The following PCNX2 variants were observed in gnomAD, a reference collection of about 807,000 sequenced individuals.
PCNX2 encodes pecanex-like protein 2.
A neutral mutation model predicts 223.8 loss-of-function variants in PCNX2; 168 were observed. The observed-to-expected ratio is 0.75, with a 90% CI of 0.66 to 0.85. PCNX2 has a LOEUF of 0.85. PCNX2 is among the 40% of genes least tolerant of loss of function. PCNX2 has a pLI of 0.00. For missense variants in PCNX2, 2,507 were observed against 2,675.5 expected, an observed-to-expected ratio of 0.94 and a Z score of 1.39; for synonymous variants, 1,006 against 1,052.6, an observed-to-expected ratio of 0.96 and a Z score of 0.86.
chr1:233,167,981 C>T (rs1401467656), intron 17 of PCNX2: 8 of 285,910 alleles, frequency 2.8e-5, no homozygotes, highest in African/African-American at 1.4e-4. Flanking sequence ...TCTTCCTTCA[C>T]GTTTGAAGGT....
chr1:233,185,630 G>T (rs1680055044), intron 15 of PCNX2, among the ~76,000 whole-genome samples: 1 of 152,168 alleles, frequency 6.6e-6, no homozygotes. Flanking sequence ...TTCAGGGCTT[G>T]TTGAAACACA....
chr1:233,220,088 T>C (rs1346605922), intron 10 of PCNX2, among the ~76,000 whole-genome samples: 4 of 152,226 alleles, frequency 2.6e-5, no homozygotes, highest in Admixed American at 6.5e-5. Context: ...CAGTTAACGT[T>C]CCTCCATGTC....
intron 28 of PCNX2, among the ~76,000 whole-genome samples, chr1:233,004,953 G>T (rs954609745): frequency 6.6e-6 from 1 of 152,156 alleles, no homozygotes; most frequent in African/African-American, 2.4e-5. Context: ...GCTTTCTGGG[G>T]CCGTGAGCTT....
intron 9 of PCNX2, among the ~76,000 whole-genome samples, chr1:233,235,474 T>A (rs1361139667): frequency 6.6e-6 from 1 of 152,104 alleles, no homozygotes; most frequent in Non-Finnish European, 1.5e-5. Flanking sequence ...AGTTAAGTCA[T>A]CCCTACACTC....
chr1:233,036,516 G>A (rs1430155356), intron 25 of PCNX2, among the ~76,000 whole-genome samples: 1 of 151,866 alleles, frequency 6.6e-6, no homozygotes, highest in Non-Finnish European at 1.5e-5. Context: ...TGTAGTCCCA[G>A]CTATTTGGGA....
In PCNX2 at chr1:233,123,524, G is replaced by A. The variant is rs544789506; in HGVS notation, c.3837+11489C>T. On this transcript the variant is annotated intron_variant, in intron 21 of 33. Coordinates refer to ENST00000258229, the MANE Select transcript of PCNX2 (RefSeq NM_014801.4). ...TTGAACCCAGGAGGCGGATGTTGCA[G>A]TGAGCCAAGATTGTGCCATTGCACT... is the stretch of plus-strand genomic sequence containing the variant. Among the ~76,000 whole-genome samples, 10 of 152,174 alleles carry A rather than the reference G, an allele frequency of 6.6e-5. No homozygotes were observed. The South Asian group carries it at 1.9e-3, about 28-fold the overall frequency.
In PCNX2 at chr1:233,102,619, G is replaced by GTA. The variant is rs1674550049; in HGVS notation, c.3838-6758_3838-6757dup. 2.0e-5 allele frequency among the ~76,000 whole-genome samples: 3 copies of GTA among 152,226 alleles called. No homozygotes were observed. The South Asian group carries it at 6.2e-4, about 32-fold the overall frequency. On this transcript the variant is annotated intron_variant, in intron 21 of 33. Coordinates refer to ENST00000258229, the MANE Select transcript of PCNX2 (RefSeq NM_014801.4). Reference sequence around the variant, plus strand: ...TTTCACTTCTCTGATGATTAGTGATGTAGAGCACTTTTTCATATACTTGTT... The same window carrying GTA: ...TTTCACTTCTCTGATGATTAGTGATGTATAGAGCACTTTTTCATATACTTGTT...
In PCNX2 at chr1:233,126,641, C is replaced by CT. The variant is rs894810599; in HGVS notation, c.3837+8371dup. Among the ~76,000 whole-genome samples the CT allele has an allele frequency of 2.3e-4, 35 of 152,024 alleles. No individual in the cohort carries two copies. The highest frequency in any genetic ancestry group is 8.0e-4 in the African/African-American group (33 of 41,460). On this transcript the variant is annotated intron_variant, in intron 21 of 33. Transcript: ENST00000258229. The surrounding 1 kb of genome is among the most constrained non-coding windows in gnomAD (Gnocchi z 4.8). ...AGACAGAGATATGCATTAAAACAGA[C>CT]TTTTTTTGTATTTTCCATTGCTTTT...
At chr1:233,266,975 G>A (rs1572177321) in intron 1 of PCNX2, among the ~76,000 whole-genome samples, 1 of 151,746 alleles carries the variant, frequency 6.6e-6, no homozygotes, top group Admixed American at 6.6e-5. Context: ...CAGGCTCATA[G>A]CTCTAGCTGC....
At position 233,014,094 on chromosome 1, in the gene PCNX2, G is replaced by A. The variant is rs189264445; in HGVS notation, c.4952+571C>T. ...CAACATCACCCGAGTGACACAGGGT[G>A]CCAAAGAGCCAGCAGAGTTTGATTT... is the stretch of plus-strand genomic sequence containing the variant. On this transcript the variant is annotated intron_variant, in intron 28 of 33. Transcript: ENST00000258229. Among the ~76,000 whole-genome samples, 16 of 152,310 alleles carry A rather than the reference G, an allele frequency of 1.1e-4. No individual in the cohort carries two copies. In the East Asian group the frequency reaches 2.3e-3, roughly 22 times the overall value.
At chr1:233,175,260 A>G (rs1464445836) in intron 17 of PCNX2, among the ~76,000 whole-genome samples, 1 of 152,232 alleles carries the variant, frequency 6.6e-6, no homozygotes, top group African/African-American at 2.4e-5. Flanking sequence ...ATTAGGCCAG[A>G]GACTTTTCAG....
chr1:233,130,789 C>A (rs899147494), intron 21 of PCNX2, among the ~76,000 whole-genome samples: 5 of 151,950 alleles, frequency 3.3e-5, no homozygotes, highest in East Asian at 3.9e-4. Context: ...GGCACCCCCC[C>A]CTTTTTTTTT....
chr1:233,138,308 G>A (rs563290516), intron 20 of PCNX2, among the ~76,000 whole-genome samples: 1 of 152,298 alleles, frequency 6.6e-6, no homozygotes, highest in South Asian at 2.1e-4. Context: ...ATTTGACTCT[G>A]CTAGAGTCTT....
chr1:233,122,727 T>C (rs1675875440), intron 21 of PCNX2, among the ~76,000 whole-genome samples: 1 of 152,076 alleles, frequency 6.6e-6, no homozygotes, highest in South Asian at 2.1e-4. Flanking sequence ...TCCACCATGT[T>C]GGTCAGACCG....
At chr1:233,008,219 T>C (rs77968852) in intron 28 of PCNX2, among the ~76,000 whole-genome samples, 4,116 of 152,236 alleles carry the variant, frequency 0.027, 195 homozygotes, top group African/African-American at 0.093. Context: ...AAGACAACCT[T>C]TGGTTGGGAT....
At chr1:233,250,516 T>C in intron 8 of PCNX2, 3 of 954,804 alleles carry the variant, frequency 3.1e-6, no homozygotes, top group Non-Finnish European at 3.7e-6. Flanking sequence ...ACTACCTACA[T>C]GTTATCTTCA....
chr1:233,018,960 G>A, intron 26 of PCNX2: 1 of 985,480 alleles, frequency 1.0e-6, no homozygotes, highest in Non-Finnish European at 1.2e-6. Context: ...GCTTGTAAGT[G>A]GAGTGGGCTG....
intron 1 of PCNX2, among the ~76,000 whole-genome samples, chr1:233,277,744 TGGA>T (rs1487783023): frequency 6.6e-6 from 1 of 151,966 alleles, no homozygotes; most frequent in Non-Finnish European, 1.5e-5. Flanking sequence ...GAGGGGAGTG[TGGA>T]GGAGGGCACC....
At chr1:233,209,882 G>C (rs1166327295) in intron 12 of PCNX2, among the ~76,000 whole-genome samples, 1 of 152,148 alleles carries the variant, frequency 6.6e-6, no homozygotes, top group African/African-American at 2.4e-5. Context: ...CAAGTGAATA[G>C]CAAAATAAAT....
Sources: allele counts gnomAD v4.1 joint callset (sites outside exome capture counted in the v4.1 genomes callset), GRCh38; gene constraint gnomAD v4.1.1; non-coding constraint Gnocchi (gnomAD v3.1); transcripts MANE v1.5; gene names NCBI Gene and HGNC (gene_info 2026-07-23, HGNC 2026-07-21).